Variants in AKAP6 observed in about 807,000 individuals in gnomAD.
AKAP6 encodes A-kinase anchor protein 6.
A neutral mutation model predicts 188.5 loss-of-function variants in AKAP6; 58 were observed. The ratio of observed to expected loss-of-function variants is 0.31; its 90% CI spans 0.25 to 0.38. The LOEUF (loss-of-function observed/expected upper bound fraction) is 0.38. Ranked by LOEUF, AKAP6 falls within the 10% of genes least tolerant of loss-of-function variation. The pLI, the probability that AKAP6 is intolerant of heterozygous loss-of-function variation, is 1.00. For missense variants in AKAP6, 2,710 were observed against 2,740.0 expected, an observed-to-expected ratio of 0.99 and a Z score of 0.24; for synonymous variants, 989 against 998.6, an observed-to-expected ratio of 0.99 and a Z score of 0.18.
intron 7 of AKAP6, among the ~76,000 whole-genome samples, chr14:32,637,941 A>G (rs1887580545): frequency 6.6e-6 from 1 of 152,080 alleles, no homozygotes; most frequent in African/African-American, 2.4e-5. Flanking sequence ...GGAGGGAGAA[A>G]CAAAGATCCC....
intron 10 of AKAP6, among the ~76,000 whole-genome samples, chr14:32,735,270 T>G: frequency 6.6e-6 from 1 of 152,158 alleles, no homozygotes; most frequent in Non-Finnish European, 1.5e-5. Flanking sequence ...TGGAGAGTTT[T>G]TTACTATAAA....
chr14:32,536,586 A>G (rs1383002132), intron 3 of AKAP6, among the ~76,000 whole-genome samples: 1 of 152,176 alleles, frequency 6.6e-6, no homozygotes, highest in African/African-American at 2.4e-5. Flanking sequence ...AACTCCCATG[A>G]TTCATGTTTT....
chr14:32,507,188 T>C (rs532132249), intron 2 of AKAP6, among the ~76,000 whole-genome samples: 2 of 152,326 alleles, frequency 1.3e-5, no homozygotes, highest in East Asian at 1.9e-4. Context: ...CAGGTAATTA[T>C]AGCATAGCAA....
At chr14:32,410,838 AT>A (rs1338637461) in intron 1 of AKAP6, among the ~76,000 whole-genome samples, 1 of 152,170 alleles carries the variant, frequency 6.6e-6, no homozygotes, top group Non-Finnish European at 1.5e-5. Flanking sequence ...TGTTAGAAAG[AT>A]TTTTTAAAAA....
intron 7 of AKAP6, among the ~76,000 whole-genome samples, chr14:32,608,325 C>T (rs61981363): frequency 0.16 from 23,327 of 147,638 alleles, 2,318 homozygotes; most frequent in Middle Eastern, 0.23. Flanking sequence ...ATGGTGAAAC[C>T]CCCTCTCTAC....
intron 11 of AKAP6, among the ~76,000 whole-genome samples, chr14:32,746,650 C>T (rs1038273280): frequency 1.8e-4 from 27 of 152,160 alleles, no homozygotes; most frequent in African/African-American, 5.3e-4. Flanking sequence ...CTGCCCCATC[C>T]GCTATTATGG....
chr14:32,684,928 T>TGA (rs1014889314), intron 8 of AKAP6, among the ~76,000 whole-genome samples: 1 of 151,942 alleles, frequency 6.6e-6, no homozygotes. Context: ...TTCAGTGTAG[T>TGA]GAGAGAGAGA....
At chr14:32,769,585 A>G (rs1035133276) in intron 11 of AKAP6, among the ~76,000 whole-genome samples, 4 of 151,476 alleles carry the variant, frequency 2.6e-5, no homozygotes, top group African/African-American at 4.9e-5. Context: ...CAGATCAGCT[A>G]AAGTCCCACC....
intron 12 of AKAP6, among the ~76,000 whole-genome samples, chr14:32,800,063 A>G (rs75104958): frequency 8.8e-6 from 1 of 113,362 alleles, no homozygotes; most frequent in Non-Finnish European, 1.9e-5. Flanking sequence ...CTCTCTCTCT[A>G]TATATATAGA....
intron 7 of AKAP6, among the ~76,000 whole-genome samples, chr14:32,666,068 A>G (rs1207273421): frequency 1.3e-5 from 2 of 152,146 alleles, no homozygotes; most frequent in Non-Finnish European, 2.9e-5. Context: ...AAACACAATT[A>G]TTTGCCTTTA....
chr14:32,445,027 T>G (rs1034693730), intron 2 of AKAP6, among the ~76,000 whole-genome samples: 4 of 152,232 alleles, frequency 2.6e-5, no homozygotes, highest in Admixed American at 1.3e-4. Context: ...AAATGCTGTT[T>G]CATAATACAT....
chr14:32,704,074 C>A (rs1347745946), intron 9 of AKAP6, among the ~76,000 whole-genome samples: 1 of 152,110 alleles, frequency 6.6e-6, no homozygotes, highest in Non-Finnish European at 1.5e-5. Context: ...TTTCTTGAAT[C>A]CTTGGATCTA....
chr14:32,766,940 G>C (rs750539180), intron 11 of AKAP6, among the ~76,000 whole-genome samples: 70 of 152,008 alleles, frequency 4.6e-4, no homozygotes, highest in Non-Finnish European at 8.2e-4. Context: ...TATAGTTTTA[G>C]CTCTTACAAT....
In AKAP6 at chr14:32,441,577, C is replaced by T. The variant is rs983828021; in HGVS notation, c.324+7760C>T. On this transcript the variant is annotated intron_variant, in intron 2 of 13. Coordinates refer to ENST00000280979, the MANE Select transcript of AKAP6 (RefSeq NM_004274.5). ...TGGGGAGATGATATAAGCCTCAGAC[C>T]TAGCACCTGTTTTGGACTACTTATG... Among the ~76,000 whole-genome samples, 4 of 152,132 alleles carry T rather than the reference C, an allele frequency of 2.6e-5. No individual in the cohort carries two copies. In the South Asian group the frequency reaches 8.3e-4, roughly 32 times the overall value.
chr14:32,621,166 T>A (rs1272157036), intron 7 of AKAP6, among the ~76,000 whole-genome samples: 2 of 152,032 alleles, frequency 1.3e-5, no homozygotes, highest in Non-Finnish European at 2.9e-5. Context: ...TTTCTTGTTT[T>A]AATTTTATTT....
chr14:32,739,440 C>T (rs2031579887), intron 11 of AKAP6, among the ~76,000 whole-genome samples: 1 of 151,944 alleles, frequency 6.6e-6, no homozygotes, highest in African/African-American at 2.4e-5. Flanking sequence ...TATAGTCCCC[C>T]TGTTGTGCTA....
rs955842578 is a variant in AKAP6, at chr14:32,834,010, T to C, written c.*4205T>C. 1 of 152,214 alleles carries C rather than the reference T, an allele frequency of 6.6e-6. No individual in the cohort carries two copies. The highest frequency in any genetic ancestry group is 1.5e-5 in the Non-Finnish European group (1 of 68,046). 9.4% of individuals were successfully genotyped at this position (152,214 alleles called of 1,614,324 possible). A position where few individuals can be genotyped will look rare whatever the true frequency, so the allele number is the denominator to read the frequency against. Reference sequence around the variant, plus strand: ...TCATTTGAAATTAAATTGTAGAGTATGATACTTCATCTGCAAATACTTCAG... The same window carrying C: ...TCATTTGAAATTAAATTGTAGAGTACGATACTTCATCTGCAAATACTTCAG... On this transcript the variant is annotated 3_prime_UTR_variant, in exon 14 of 14. Coordinates refer to ENST00000280979, the MANE Select transcript of AKAP6 (RefSeq NM_004274.5).
intron 2 of AKAP6, among the ~76,000 whole-genome samples, chr14:32,457,519 C>T (rs1403028825): frequency 1.3e-5 from 2 of 151,756 alleles, no homozygotes; most frequent in Non-Finnish European, 2.9e-5. Flanking sequence ...GGAGGCTGAA[C>T]TAAAAAAAAA....
intron 12 of AKAP6, among the ~76,000 whole-genome samples, chr14:32,794,140 TAACA>T (rs772348640): frequency 1.4e-4 from 21 of 152,136 alleles, no homozygotes; most frequent in Non-Finnish European, 2.6e-4. Flanking sequence ...ACTGAAATCA[TAACA>T]AACAGTCTAT....
Sources: allele counts gnomAD v4.1 joint callset (sites outside exome capture counted in the v4.1 genomes callset), GRCh38; gene constraint gnomAD v4.1.1; transcripts MANE v1.5; gene names NCBI Gene and HGNC (gene_info 2026-07-23, HGNC 2026-07-21).